Variants in POR observed in about 807,000 individuals in gnomAD.
POR encodes the protein cytochrome p450 oxidoreductase, also known as NADPH--cytochrome P450 reductase.
Under a neutral mutation model 84.0 loss-of-function variants are expected in POR, and 56 were observed. That is an observed-to-expected ratio of 0.67 (90% CI 0.54 to 0.83). The LOEUF is 0.83. Among genes scored for constraint, POR ranks in the 40% least tolerant of loss-of-function variants. The probability of loss-of-function intolerance (pLI) is 0.00; values close to 1 mark genes in which losing one functional copy is unlikely to be tolerated. For missense variants in POR, 938 were observed against 944.3 expected (o/e 0.99, Z 0.09); for synonymous variants, 414 against 400.5 (o/e 1.03, Z -0.40).
chr7:75,964,608 A>T (rs1788097888), intron 2 of POR, among the ~76,000 whole-genome samples: 1 of 152,188 alleles, frequency 6.6e-6, no homozygotes, highest in African/African-American at 2.4e-5. Context: ...GCACCAGGCC[A>T]GCATTTTTCT....
intron 2 of POR, among the ~76,000 whole-genome samples, chr7:75,959,551 G>A (rs1426572092): frequency 6.6e-6 from 1 of 152,182 alleles, no homozygotes; most frequent in Non-Finnish European, 1.5e-5. Context: ...TGCCTCTGGG[G>A]CTCAAGCGAT....
At chr7:75,933,341 C>T (rs1314954448) in intron 1 of POR, among the ~76,000 whole-genome samples, 1 of 142,254 alleles carries the variant, frequency 7.0e-6, no homozygotes, top group African/African-American at 2.5e-5. Flanking sequence ...CACATTGCTA[C>T]TAACTATAGT....
intron 4 of POR, among the ~76,000 whole-genome samples, chr7:75,980,035 G>A (rs2116585235): frequency 6.6e-6 from 1 of 152,308 alleles, no homozygotes; most frequent in African/African-American, 2.4e-5. Flanking sequence ...TCCCAGGGTG[G>A]CCCCAGACCT....
In POR at chr7:75,972,474, C is replaced by A; in HGVS notation, c.237+13C>A. On this transcript the variant is annotated intron_variant, in intron 3 of 15. Transcript: ENST00000461988. The stretch of plus-strand genomic sequence containing the variant: ...GATGAAGAAAACGGTGAGTTTCCTG[C>A]ATGTCTTTACTCTTCTCAGGAAGCC... The A allele has an allele frequency of 1.9e-6, 3 of 1,596,386 alleles. No homozygotes were observed. The highest frequency in any genetic ancestry group is 2.6e-6 in the Non-Finnish European group (3 of 1,170,358).
In POR at chr7:75,979,373, A is replaced by AGGCCTGCCC. The variant is rs1477736184; in HGVS notation, c.238-77_238-69dup. 33 of 1,551,728 alleles carry AGGCCTGCCC rather than the reference A, an allele frequency of 2.1e-5. 1 individual carries two copies. The African/African-American group carries it at 2.7e-4, about 13-fold the overall frequency. ...GCGGCCTGGAGGGCCCCCGCCTGCC[A>AGGCCTGCCC]GGCCTGCCCAGTGGGTGTTCACCGG... On this transcript the variant is annotated intron_variant, in intron 3 of 15. Coordinates refer to ENST00000461988, the MANE Select transcript of POR (RefSeq NM_000941.3).
intron 1 of POR, among the ~76,000 whole-genome samples, chr7:75,925,521 T>C (rs140288251): frequency 3.6e-4 from 55 of 152,210 alleles, no homozygotes; most frequent in African/African-American, 1.2e-3. Flanking sequence ...CAAGACCCCA[T>C]CTCTTAAATT....
In POR at chr7:75,922,081, G is replaced by A. The variant is rs782033025; in HGVS notation, c.-5+6902G>A. ...GATAAACAGTGACTTAATAAAAGGT[G>A]TCTAATTCTCCCCTCCCTAGTGGCA... On this transcript the variant is annotated intron_variant, in intron 1 of 15. Transcript: ENST00000461988. Among the ~76,000 whole-genome samples, 3 of 152,102 alleles carry A rather than the reference G, an allele frequency of 2.0e-5. 1 individual carries two copies. The highest frequency in any genetic ancestry group is 4.2e-4 in the South Asian group (2 of 4,816).
intron 1 of POR, among the ~76,000 whole-genome samples, chr7:75,930,870 T>C (rs1376320453): frequency 6.6e-6 from 1 of 151,858 alleles, no homozygotes; most frequent in African/African-American, 2.4e-5. Context: ...TCACCCAGGC[T>C]GGAGTGCAGT....
chr7:75,945,006 G>A (rs577074360), intron 1 of POR, among the ~76,000 whole-genome samples: 1 of 152,234 alleles, frequency 6.6e-6, no homozygotes, highest in Admixed American at 6.5e-5. Context: ...AAATAATGGC[G>A]GCCGGGCACG....
At chr7:75,956,729 G>GTT (rs200737243) in intron 2 of POR, among the ~76,000 whole-genome samples, 42 of 146,996 alleles carry the variant, frequency 2.9e-4, no homozygotes, top group South Asian at 4.3e-4. Flanking sequence ...TTGCAACATA[G>GTT]TTTTTTTTTT....
chr7:75,981,530 T>G lies in POR; in HGVS notation c.655T>G (p.Phe219Val), dbSNP rs1789043381. The G allele has an allele frequency of 6.2e-7, 1 of 1,612,682 alleles. No homozygotes were observed. Among genetic ancestry groups the G allele is most frequent in the Non-Finnish European group, 8.5e-7 (1 of 1,179,618 alleles). ...TCCTCGGCCCAGCTTGGAGGAGGAC[T>G]TCATCACCTGGCGAGAGCAGTTCTG... Residue 219 changes from phenylalanine (F) to valine (V), a missense_variant, in exon 7 of 16, where the codon TTC becomes GTC. Transcript: ENST00000461988.
intron 1 of POR, among the ~76,000 whole-genome samples, chr7:75,936,929 C>T (rs2116314830): frequency 6.6e-6 from 1 of 150,394 alleles, no homozygotes; most frequent in East Asian, 2.0e-4. Context: ...CGGGTTCATG[C>T]CATTCTCCTG....
intron 1 of POR, among the ~76,000 whole-genome samples, chr7:75,935,814 T>C (rs1807648617): frequency 6.6e-6 from 1 of 152,072 alleles, no homozygotes; most frequent in Non-Finnish European, 1.5e-5. Flanking sequence ...AGGCACTTTC[T>C]GTCATTAAGT....
intron 6 of POR, 65 bp downstream of exon 6, chr7:75,981,237 G>A: frequency 6.8e-7 from 1 of 1,472,322 alleles, no homozygotes; most frequent in South Asian, 1.4e-5. Flanking sequence ...GGAACGTGAG[G>A]GGCGCGCACA....
chr7:75,964,598 G>A (rs1054461966), intron 2 of POR, among the ~76,000 whole-genome samples: 9 of 152,156 alleles, frequency 5.9e-5, no homozygotes, highest in African/African-American at 1.7e-4. Flanking sequence ...GTGAGCCACC[G>A]CACCAGGCCA....
chr7:75,942,469 T>TTTTTTTTGGG (rs1563408130), intron 1 of POR, among the ~76,000 whole-genome samples: 1 of 152,052 alleles, frequency 6.6e-6, no homozygotes, highest in African/African-American at 2.4e-5. Context: ...TTTTTTTTTT[T>TTTTTTTTGGG]AGATTCCCCT....
At position 75,986,574 on chromosome 7, in the gene POR, C is replaced by CTTGGCA; in HGVS notation, c.*95_*100dup. On this transcript the variant is annotated 3_prime_UTR_variant, in exon 16 of 16. Transcript: ENST00000461988. Reference sequence around the variant, plus strand: ...GTCTCCTGGGTGTGTTTGGCTTGGCCTTGGCATGGGCGCAGGCCCAGTGAC... The same window carrying CTTGGCA: ...GTCTCCTGGGTGTGTTTGGCTTGGCCTTGGCATTGGCATGGGCGCAGGCCCAGTGAC... The CTTGGCA allele has an allele frequency of 6.7e-7, 1 of 1,481,568 alleles. No individual in the cohort carries two copies. The highest frequency in any genetic ancestry group is 9.1e-7 in the Non-Finnish European group (1 of 1,103,770). 91.8% of individuals were successfully genotyped at this position (1,481,568 alleles called of 1,614,324 possible).
intron 2 of POR, among the ~76,000 whole-genome samples, chr7:75,957,758 C>T (rs76512990): frequency 2.0e-5 from 3 of 152,310 alleles, no homozygotes; most frequent in Non-Finnish European, 4.4e-5. Context: ...ATCTTCTAAC[C>T]TTATGTGTGT....
chr7:75,979,803 G>C (rs1399837633), intron 4 of POR: 2 of 579,862 alleles, frequency 3.4e-6, no homozygotes, highest in Non-Finnish European at 5.8e-6. Context: ...CGTTTCCCCA[G>C]GACTGGCCCT....
Sources: allele counts gnomAD v4.1 joint callset (sites outside exome capture counted in the v4.1 genomes callset), GRCh38; gene constraint gnomAD v4.1.1; transcripts MANE v1.5; gene names NCBI Gene and HGNC (gene_info 2026-07-23, HGNC 2026-07-21).